The following BPTF variants were observed in gnomAD, a reference collection of about 807,000 sequenced individuals.
BPTF encodes the protein nucleosome-remodeling factor subunit BPTF.
BPTF carries 18 observed loss-of-function variants against 292.5 expected under a neutral mutation model. That is an observed-to-expected ratio of 0.06 (90% CI 0.04 to 0.09). The LOEUF (loss-of-function observed/expected upper bound fraction) is 0.09. Among genes scored for constraint, BPTF ranks in the 10% least tolerant of loss-of-function variants. The probability of loss-of-function intolerance (pLI) is 1.00; values close to 1 mark genes in which losing one functional copy is unlikely to be tolerated. For missense variants in BPTF, 2,726 were observed against 3,498.7 expected (o/e 0.78, Z 5.57); for synonymous variants, 1,225 against 1,251.9 (o/e 0.98, Z 0.45).
At chr17:67,835,724 G>A (rs1465078634) in intron 1 of BPTF, among the ~76,000 whole-genome samples, 1 of 150,954 alleles carries the variant, frequency 6.6e-6, no homozygotes, top group Admixed American at 6.6e-5. Flanking sequence ...GGAGTGCGGT[G>A]GCGCGATTTC....
At position 67,959,803 on chromosome 17, in the gene BPTF, C is replaced by G; in HGVS notation, c.8189C>G (p.Ser2730Cys). 6.2e-7 allele frequency: 1 copy of G among 1,614,056 alleles called. No individual in the cohort carries two copies. Among genetic ancestry groups the G allele is most frequent in the South Asian group, 1.1e-5 (1 of 91,080 alleles). The change falls in exon 24 of 28, where the codon TCT becomes TGT. Residue 2730 changes from serine to cysteine, a missense_variant. Around this residue, in one of 22 missense-constraint regions of BPTF, gnomAD observed 148 missense variants for 145.5 expected, o/e 1.02. Coordinates refer to ENST00000306378, the MANE Select transcript of BPTF (RefSeq NM_182641.4). ...AAGTCCAAGAAAAAGAAAATGATCTCTACTACCTCAAAGGAAACTAAGAAG... is the reference window on the plus strand; with the variant it reads ...AAGTCCAAGAAAAAGAAAATGATCTGTACTACCTCAAAGGAAACTAAGAAG... Reference protein sequence around the residue: ...SSKSKKKKMISTTSKETKKDT... With the variant: ...SSKSKKKKMICTTSKETKKDT...
chr17:67,925,675 A>G (rs115133113), intron 15 of BPTF, among the ~76,000 whole-genome samples: 2,608 of 152,300 alleles, frequency 0.017, 65 homozygotes, highest in African/African-American at 0.055. Context: ...ATATATCTAT[A>G]TACAGTATTA....
chr17:67,831,059 C>T (rs1255355632), intron 1 of BPTF, among the ~76,000 whole-genome samples: 2 of 152,120 alleles, frequency 1.3e-5, no homozygotes, highest in African/African-American at 4.8e-5. Context: ...TTGGGATGAT[C>T]GGAAGATCTT....
At chr17:67,871,418 G>A (rs998590739) in intron 3 of BPTF, among the ~76,000 whole-genome samples, 1 of 131,598 alleles carries the variant, frequency 7.6e-6, no homozygotes, top group Non-Finnish European at 1.5e-5. Context: ...TCCAGCCTGG[G>A]CAACAGAGTG....
intron 25 of BPTF, 25 bp from the exon 26 acceptor site, chr17:67,966,547 T>G: frequency 6.2e-7 from 1 of 1,600,098 alleles, no homozygotes; most frequent in Non-Finnish European, 8.6e-7. Context: ...TCACTGACAA[T>G]AATGATGCTG....
chr17:67,923,350 G>A lies in BPTF; in HGVS notation c.5708+360G>A, dbSNP rs151013310. Among the ~76,000 whole-genome samples the A allele has an allele frequency of 1.1e-3, 168 of 151,606 alleles. 1 individual carries two copies. The Middle Eastern group carries it at 0.014, about 12-fold the overall frequency. ...TGGGATTACAGGCATGAGCTACCCTGCCTGGGGTAAAAGAACACTTTAATC... is the reference window on the plus strand; with the variant it reads ...TGGGATTACAGGCATGAGCTACCCTACCTGGGGTAAAAGAACACTTTAATC... On this transcript the variant is annotated intron_variant, in intron 14 of 27. Coordinates refer to ENST00000306378, the MANE Select transcript of BPTF (RefSeq NM_182641.4).
rs567738363 is a variant in BPTF at position 67,873,265 on chromosome 17, C to T, written c.1661-1552C>T. Among the ~76,000 whole-genome samples, 106 of 152,014 alleles carry T rather than the reference C, an allele frequency of 7.0e-4. 3 individuals are homozygous for T. In the South Asian group the frequency reaches 0.02, roughly 29 times the overall value. The stretch of plus-strand genomic sequence containing the variant: ...CTGAGGTCAGGAGTTCAAGACCAGC[C>T]GGGCCAACGTGGTGAAACCCCGTCT... On this transcript the variant is annotated intron_variant, in intron 3 of 27. Coordinates refer to ENST00000306378, the MANE Select transcript of BPTF (RefSeq NM_182641.4).
At chr17:67,966,377 G>A (rs1474321903) in intron 25 of BPTF, 195 bp from the exon 26 acceptor site, 1 of 516,034 alleles carries the variant, frequency 1.9e-6, no homozygotes, top group Non-Finnish European at 3.5e-6. Context: ...CTTCTGACCA[G>A]CCTTTGAGTA....
At position 67,903,796 on chromosome 17, in the gene BPTF, C is replaced by A; in HGVS notation, c.2551C>A (p.Arg851=). The part of the protein sequence containing the change: ...RESLGHTRLH[R]MTSIEREEKE... ...CTATGCATGAATTCTTAGGTTACAC[C>A]GGATGACATCAATTGAAAGAGAAGA... The change falls in exon 8 of 28, where the codon CGG becomes AGG. Residue 851 remains arginine, a synonymous_variant. Coordinates refer to ENST00000306378, the MANE Select transcript of BPTF (RefSeq NM_182641.4). 2 of 1,556,962 alleles carry A rather than the reference C, an allele frequency of 1.3e-6. No homozygotes were observed. Among genetic ancestry groups the A allele is most frequent in the South Asian group, 1.2e-5 (1 of 80,078 alleles).
chr17:67,857,821 C>G (rs2058804950), intron 2 of BPTF, among the ~76,000 whole-genome samples: 2 of 125,420 alleles, frequency 1.6e-5, no homozygotes, highest in African/African-American at 6.2e-5. Context: ...GCGTCTCACT[C>G]TGTTGCCCCG....
chr17:67,926,076 T>C (rs2063861256), intron 15 of BPTF, among the ~76,000 whole-genome samples: 1 of 128,594 alleles, frequency 7.8e-6, no homozygotes, highest in Non-Finnish European at 1.6e-5. Context: ...GGCACGATCA[T>C]GGCTCACCAC....
chr17:67,978,289 A>AAT lies in BPTF; in HGVS notation c.8726+2350_8726+2351dup, dbSNP rs1264222949. On this transcript the variant is annotated intron_variant, in intron 27 of 27. Transcript: ENST00000306378. Reference sequence around the variant, plus strand: ...CTGTGAACCACTGTGCTGGGCCAGAAATATATATATATATATATATTTTTT... The same window carrying AAT: ...CTGTGAACCACTGTGCTGGGCCAGAAATATATATATATATATATATATTTTTT... Among the ~76,000 whole-genome samples, 9 of 135,762 alleles carry AAT rather than the reference A, an allele frequency of 6.6e-5. No homozygotes were observed. In the South Asian group the frequency reaches 7.6e-4, roughly 11 times the overall value. The allele number at this position is 135,762 out of a possible 152,430, so 89.1% of individuals were successfully genotyped here. A position where few individuals can be genotyped will look rare whatever the true frequency, so the allele number is the denominator to read the frequency against.
intron 11 of BPTF, among the ~76,000 whole-genome samples, chr17:67,916,115 C>G (rs1453573825): frequency 6.6e-6 from 1 of 152,214 alleles, no homozygotes; most frequent in African/African-American, 2.4e-5. Context: ...CATCCCTGCA[C>G]TAGTTAACAT....
chr17:67,864,042 G>A (rs1432731517), intron 2 of BPTF, among the ~76,000 whole-genome samples: 2 of 152,148 alleles, frequency 1.3e-5, no homozygotes, highest in Non-Finnish European at 2.9e-5. Flanking sequence ...AGCCTGGCCA[G>A]TTTGGGTGAG....
chr17:67,908,738 A>G (rs1194900193), intron 9 of BPTF, among the ~76,000 whole-genome samples: 3 of 141,634 alleles, frequency 2.1e-5, no homozygotes, highest in Non-Finnish European at 3.0e-5. Flanking sequence ...TGATCCGCCC[A>G]CCTTGGCATC....
chr17:67,946,641 A>G (rs938644334), intron 21 of BPTF, among the ~76,000 whole-genome samples: 2 of 152,362 alleles, frequency 1.3e-5, no homozygotes, highest in Middle Eastern at 3.4e-3. Context: ...TTTTAAAGCC[A>G]CTTCAGACAT....
chr17:67,845,983 A>G (rs954207521), intron 1 of BPTF, among the ~76,000 whole-genome samples: 28 of 152,128 alleles, frequency 1.8e-4, no homozygotes, highest in African/African-American at 6.8e-4. Flanking sequence ...GCTAAAAGAC[A>G]TTAAATGAGT....
chr17:67,835,726 C>T lies in BPTF; in HGVS notation c.613+9389C>T, dbSNP rs572315199. 6.8e-5 allele frequency among the ~76,000 whole-genome samples: 10 copies of T among 147,858 alleles called. No homozygotes were observed. The East Asian group carries it at 1.2e-3, about 17-fold the overall frequency. On this transcript the variant is annotated intron_variant, in intron 1 of 27. Transcript: ENST00000306378. ...TGTCGCCCAGGCTGGAGTGCGGTGGCGCGATTTCGGCTCACTGTGAGCTCT... is the reference window on the plus strand; with the variant it reads ...TGTCGCCCAGGCTGGAGTGCGGTGGTGCGATTTCGGCTCACTGTGAGCTCT...
At chr17:67,849,285 A>C (rs1057008054) in intron 1 of BPTF, among the ~76,000 whole-genome samples, 1 of 152,132 alleles carries the variant, frequency 6.6e-6, no homozygotes, top group African/African-American at 2.4e-5. Context: ...CTGCACCTCC[A>C]TTTCAGGGCA....
Sources: allele counts gnomAD v4.1 joint callset (sites outside exome capture counted in the v4.1 genomes callset), GRCh38; gene constraint gnomAD v4.1.1; regional missense constraint gnomAD v4.1.1; transcripts MANE v1.5; gene names NCBI Gene and HGNC (gene_info 2026-07-23, HGNC 2026-07-21).